SULT2B1: variants seen among roughly 807,000 people sequenced by gnomAD.
SULT2B1 encodes sulfotransferase family 2B member 1, also known as sulfotransferase 2B1.
Under a neutral mutation model 33.2 loss-of-function variants are expected in SULT2B1, and 16 were observed. The observed-to-expected ratio is 0.48, with a 90% confidence interval of 0.33 to 0.73. The LOEUF is 0.73. Among genes scored for constraint, SULT2B1 ranks in the 30% least tolerant of loss-of-function variants. The pLI is 0.02. For synonymous variants in SULT2B1, 186 were observed against 200.5 expected (o/e 0.93, Z 0.61); for missense variants, 500 against 506.0 (o/e 0.99, Z 0.11).
At chr19:48,594,130 G>A (rs181312736) in intron 5 of SULT2B1, among the ~76,000 whole-genome samples, 22 of 151,746 alleles carry the variant, frequency 1.4e-4, no homozygotes, top group East Asian at 2.0e-4. Context: ...CCATGGTGGC[G>A]GGCGCCTGTA....
At position 48,579,314 on chromosome 19, in the gene SULT2B1, G is replaced by A. The variant is rs549258461; in HGVS notation, c.214+3231G>A. On this transcript the variant is annotated intron_variant, in intron 2 of 6. Transcript: ENST00000201586. ...TTTTTTTTTTTTGAGACGGAGTCTC[G>A]CTCTGTCGCCCAGGCTGGAGTGCAG... 2.1e-3 allele frequency among the ~76,000 whole-genome samples: 292 copies of A among 141,668 alleles called. 1 individual carries two copies. The highest frequency in any genetic ancestry group is 7.3e-3 in the African/African-American group (278 of 38,148). The allele number at this position is 141,668 out of a possible 152,430, so 92.9% of individuals were successfully genotyped here.
chr19:48,565,836 C>T (rs907589619), intron 1 of SULT2B1, among the ~76,000 whole-genome samples: 7 of 152,002 alleles, frequency 4.6e-5, no homozygotes, highest in East Asian at 1.9e-4. Flanking sequence ...ACTGAAGCCT[C>T]GACCTCCCCA....
intron 2 of SULT2B1, among the ~76,000 whole-genome samples, chr19:48,579,675 C>T (rs549244346): frequency 1.4e-5 from 2 of 142,524 alleles, no homozygotes; most frequent in South Asian, 4.4e-4. Flanking sequence ...GGCGCAGTCT[C>T]GGCTCACTGC....
chr19:48,580,410 C>A (rs1973470681), intron 2 of SULT2B1, among the ~76,000 whole-genome samples: 1 of 152,070 alleles, frequency 6.6e-6, no homozygotes, highest in East Asian at 1.9e-4. Flanking sequence ...CAGACATGCA[C>A]CACCACGCCC....
intron 1 of SULT2B1, among the ~76,000 whole-genome samples, chr19:48,557,733 A>G (rs1973117855): frequency 6.6e-6 from 1 of 151,954 alleles, no homozygotes; most frequent in South Asian, 2.1e-4. Flanking sequence ...GCTGACCAAC[A>G]TGGAGAAACC....
chr19:48,575,463 AATATATAT>A (rs71952245), intron 1 of SULT2B1: 2 of 140,956 alleles, frequency 1.4e-5, no homozygotes, highest in Non-Finnish European at 1.5e-5. Context: ...TAAAATTAAA[AATATATAT>A]ATATATATAT....
intron 1 of SULT2B1, among the ~76,000 whole-genome samples, chr19:48,557,951 AAAT>A (rs1198419989): frequency 6.6e-6 from 1 of 152,160 alleles, no homozygotes; most frequent in African/African-American, 2.4e-5. Context: ...AAATTAAAAA[AAAT>A]AAAATCGTAA....
At chr19:48,581,887 ATTATATTATTAT>A (rs1488915554) in intron 2 of SULT2B1, among the ~76,000 whole-genome samples, 2 of 104,574 alleles carry the variant, frequency 1.9e-5, no homozygotes, top group African/African-American at 4.1e-5. Context: ...TATTATTATT[ATTATATTATTAT>A]TATTATTATT....
intron 2 of SULT2B1, among the ~76,000 whole-genome samples, chr19:48,576,359 C>CTTTTCTTTCTTTCTTTTTT: frequency 1.0e-5 from 1 of 96,716 alleles, no homozygotes; most frequent in Non-Finnish European, 1.9e-5. Flanking sequence ...CTCTACTTCT[C>CTTTTCTTTCTTTCTTTTTT]TTTTTTTTTT....
At chr19:48,586,575 A>G (rs753516813) in intron 2 of SULT2B1, among the ~76,000 whole-genome samples, 7 of 152,290 alleles carry the variant, frequency 4.6e-5, no homozygotes, top group Non-Finnish European at 8.8e-5. Flanking sequence ...GGCCCCACAC[A>G]TAGCAGCAGG....
intron 1 of SULT2B1, among the ~76,000 whole-genome samples, chr19:48,564,146 T>C (rs1477100606): frequency 6.6e-6 from 1 of 151,500 alleles, no homozygotes; most frequent in Non-Finnish European, 1.5e-5. Flanking sequence ...CTTGGGAGGC[T>C]GAGGCAGGGG....
chr19:48,582,723 G>A (rs1234328401), intron 2 of SULT2B1, among the ~76,000 whole-genome samples: 1 of 151,940 alleles, frequency 6.6e-6, no homozygotes, highest in African/African-American at 2.4e-5. Flanking sequence ...CGCGCCTGTG[G>A]TCCCAACTAC....
At chr19:48,591,859 AAT>A in intron 4 of SULT2B1, 124 bp downstream of exon 4, 2 of 1,201,572 alleles carry the variant, frequency 1.7e-6, no homozygotes, top group Non-Finnish European at 2.2e-6. Context: ...CAAAAGGGGC[AAT>A]AGAGACAGAG....
At position 48,580,269 on chromosome 19, in the gene SULT2B1, G is replaced by GT. The variant is rs527552140; in HGVS notation, c.214+4192dup. ...TCTTACGTGGACATATGTTTTCTTTGTTTTTTATGGAGACAGGTTCTCACT... is the reference window on the plus strand; with the variant it reads ...TCTTACGTGGACATATGTTTTCTTTGTTTTTTTATGGAGACAGGTTCTCACT... On this transcript the variant is annotated intron_variant, in intron 2 of 6. Transcript: ENST00000201586. Among the ~76,000 whole-genome samples, 35 of 150,626 alleles carry GT rather than the reference G, an allele frequency of 2.3e-4. No homozygotes were observed. The South Asian group carries it at 7.4e-3, about 32-fold the overall frequency.
chr19:48,576,815 G>GT (rs999410788), intron 2 of SULT2B1, among the ~76,000 whole-genome samples: 2 of 148,154 alleles, frequency 1.3e-5, no homozygotes, highest in African/African-American at 2.5e-5. Flanking sequence ...TAACTTTTGT[G>GT]TTTTTTGTAG....
chr19:48,557,278 G>A (rs112377639), intron 1 of SULT2B1, among the ~76,000 whole-genome samples: 2,799 of 152,020 alleles, frequency 0.018, 99 homozygotes, highest in African/African-American at 0.064. Flanking sequence ...TGTGGCTCAT[G>A]CCTGTAATCC....
intron 1 of SULT2B1, chr19:48,575,669 C>A: frequency 3.2e-6 from 1 of 314,006 alleles, no homozygotes; most frequent in Non-Finnish European, 5.7e-6. Flanking sequence ...TTAGTAGGGG[C>A]GGGGTTTCAC....
intron 1 of SULT2B1, among the ~76,000 whole-genome samples, chr19:48,565,755 TTTTGTTTG>T (rs144277267): frequency 1.3e-5 from 2 of 151,610 alleles, no homozygotes; most frequent in African/African-American, 2.4e-5. Flanking sequence ...TGTGCTAGTT[TTTTGTTTG>T]TTTGTTTGTT....
intron 1 of SULT2B1, among the ~76,000 whole-genome samples, chr19:48,553,144 C>G (rs1008183323): frequency 6.6e-6 from 1 of 152,046 alleles, no homozygotes; most frequent in Admixed American, 6.6e-5. Flanking sequence ...GCAGCCTGCC[C>G]CAGATCACAC....
Sources: gnomAD v4.1 joint callset for allele counts (sites outside exome capture counted in the v4.1 genomes callset) on GRCh38, gnomAD v4.1.1 for gene constraint, MANE v1.5 for transcripts, NCBI Gene and HGNC (gene_info 2026-07-23, HGNC 2026-07-21) for gene names.